Variants in ULK4 observed in about 807,000 individuals in gnomAD.
ULK4 encodes unc-51 like kinase 4, also known as inactive serine/threonine-protein kinase ULK4.
In ULK4, 133 loss-of-function variants were observed where a neutral mutation model predicts 160.6. The ratio of observed to expected loss-of-function variants is 0.83; its 90% confidence interval spans 0.72 to 0.96. The LOEUF is 0.96. Among genes scored for constraint, ULK4 ranks in the 40% least tolerant of loss-of-function variants. The pLI is 0.00. For missense variants in ULK4, 1,580 were observed against 1,499.5 expected (o/e 1.05, Z -0.89); for synonymous variants, 534 against 539.8 (o/e 0.99, Z 0.15).
chr3:41,528,951 G>A (rs74666963), intron 32 of ULK4, among the ~76,000 whole-genome samples: 4,297 of 152,206 alleles, frequency 0.028, 180 homozygotes, highest in African/African-American at 0.093. Flanking sequence ...TATGTAGCGA[G>A]CCTTCACATG....
intron 30 of ULK4, among the ~76,000 whole-genome samples, chr3:41,636,866 T>C (rs1355759887): frequency 6.6e-6 from 1 of 151,958 alleles, no homozygotes; most frequent in African/African-American, 2.4e-5. Context: ...TCTTAGGATA[T>C]ATTTCGAACA....
At chr3:41,406,615 A>G (rs1020745407) in intron 34 of ULK4, among the ~76,000 whole-genome samples, 1 of 152,192 alleles carries the variant, frequency 6.6e-6, no homozygotes, top group Non-Finnish European at 1.5e-5. Flanking sequence ...TTGGGGGACT[A>G]GGGCTTAAGT....
intron 35 of ULK4, among the ~76,000 whole-genome samples, chr3:41,330,674 C>A (rs1460917119): frequency 6.6e-6 from 1 of 150,578 alleles, no homozygotes; most frequent in African/African-American, 2.5e-5. Flanking sequence ...GTCCCCAGCA[C>A]TTTGTGGTTT....
intron 22 of ULK4, among the ~76,000 whole-genome samples, chr3:41,728,779 G>C (rs1260660483): frequency 2.6e-5 from 4 of 152,014 alleles, no homozygotes; most frequent in African/African-American, 9.7e-5. Context: ...ATGTGAATTA[G>C]GTTATTCAGA....
At chr3:41,819,286 G>T in intron 19 of ULK4, 137 bp downstream of exon 19, 2 of 698,118 alleles carry the variant, frequency 2.9e-6, no homozygotes, top group Non-Finnish European at 4.5e-6. Context: ...CTCATGGTAG[G>T]TTGTCGGGAT....
At chr3:41,861,757 C>G (rs1448475519) in intron 17 of ULK4, among the ~76,000 whole-genome samples, 2 of 152,154 alleles carry the variant, frequency 1.3e-5, no homozygotes, top group Non-Finnish European at 2.9e-5. Context: ...TCTACCTCCT[C>G]TTTAAGGCCA....
At chr3:41,877,238 T>A (rs1697339798) in intron 17 of ULK4, among the ~76,000 whole-genome samples, 1 of 152,186 alleles carries the variant, frequency 6.6e-6, no homozygotes, top group Non-Finnish European at 1.5e-5. Context: ...AAATGCACTT[T>A]GTAGTTTTGT....
intron 22 of ULK4, among the ~76,000 whole-genome samples, chr3:41,727,604 T>C (rs368117391): frequency 3.2e-4 from 48 of 152,342 alleles, no homozygotes; most frequent in Middle Eastern, 3.4e-3. Context: ...TGTGTACTTG[T>C]GTAGCTACAG....
At chr3:41,602,526 A>G (rs1427946459) in intron 31 of ULK4, among the ~76,000 whole-genome samples, 2 of 152,178 alleles carry the variant, frequency 1.3e-5, no homozygotes, top group Non-Finnish European at 2.9e-5. Flanking sequence ...ACAGCTATGT[A>G]AGAACTTAAC....
intron 32 of ULK4, among the ~76,000 whole-genome samples, chr3:41,476,653 T>G (rs1020698706): frequency 6.6e-6 from 1 of 152,132 alleles, no homozygotes; most frequent in African/African-American, 2.4e-5. Flanking sequence ...CTCTCTCTCA[T>G]CTAGACTCAG....
chr3:41,554,710 T>G (rs1559389095), intron 32 of ULK4, among the ~76,000 whole-genome samples: 1 of 152,052 alleles, frequency 6.6e-6, no homozygotes, highest in Non-Finnish European at 1.5e-5. Flanking sequence ...AATAGAAGAT[T>G]TGAAATGTTC....
At chr3:41,830,759 T>C (rs1692043050) in intron 18 of ULK4, among the ~76,000 whole-genome samples, 1 of 151,828 alleles carries the variant, frequency 6.6e-6, no homozygotes, top group East Asian at 1.9e-4. Context: ...TCTGACAAAA[T>C]AATAAAGAAT....
chr3:41,808,490 A>G (rs940104081), intron 19 of ULK4, among the ~76,000 whole-genome samples: 2 of 152,356 alleles, frequency 1.3e-5, no homozygotes, highest in Non-Finnish European at 1.5e-5. Flanking sequence ...CCTGTGGGAT[A>G]CCATACAAGC....
At chr3:41,589,429 C>A (rs1166626572) in intron 31 of ULK4, among the ~76,000 whole-genome samples, 4 of 34,970 alleles carry the variant, frequency 1.1e-4, no homozygotes, top group African/African-American at 2.0e-4. Context: ...AAAGGCCAGG[C>A]CAAAAAAAAA....
intron 25 of ULK4, 45 bp from the exon 26 acceptor site, chr3:41,705,350 C>T (rs775295759): frequency 6.7e-7 from 1 of 1,485,918 alleles, no homozygotes; most frequent in Admixed American, 1.9e-5. Context: ...CAAAGTAACT[C>T]TGAAATAAAA....
chr3:41,489,653 A>T (rs71331174), intron 32 of ULK4, among the ~76,000 whole-genome samples: 11,045 of 152,034 alleles, frequency 0.073, 561 homozygotes, highest in Admixed American at 0.13. Flanking sequence ...CCTTTCCTGT[A>T]TAGGAAATGT....
At chr3:41,951,830 T>C (rs1396599478) in intron 2 of ULK4, among the ~76,000 whole-genome samples, 2 of 152,170 alleles carry the variant, frequency 1.3e-5, no homozygotes, top group East Asian at 3.8e-4. Context: ...AGGGGGCCTG[T>C]TTTCCTCTTC....
chr3:41,929,422 A>C (rs1275586825), intron 5 of ULK4, among the ~76,000 whole-genome samples: 2 of 152,206 alleles, frequency 1.3e-5, no homozygotes, highest in African/African-American at 2.4e-5. Flanking sequence ...TTCTCTTTGA[A>C]ATCCGGCACA....
At chr3:41,333,153 T>G (rs2080481896) in intron 35 of ULK4, among the ~76,000 whole-genome samples, 1 of 152,192 alleles carries the variant, frequency 6.6e-6, no homozygotes, top group African/African-American at 2.4e-5. Flanking sequence ...CTACAGGTAT[T>G]TCAGAGTAAG....
Sources: gnomAD v4.1 joint callset for allele counts (sites outside exome capture counted in the v4.1 genomes callset) on GRCh38, gnomAD v4.1.1 for gene constraint, MANE v1.5 for transcripts, NCBI Gene and HGNC (gene_info 2026-07-23, HGNC 2026-07-21) for gene names.